RXFP1: variants seen among roughly 807,000 people sequenced by gnomAD.
The protein encoded by RXFP1 is relaxin family peptide receptor 1, also known as relaxin receptor 1.
RXFP1 carries 73 observed loss-of-function variants against 89.8 expected under a neutral mutation model. The ratio of observed to expected loss-of-function variants is 0.81; its 90% CI spans 0.67 to 0.99. The LOEUF (loss-of-function observed/expected upper bound fraction) is 0.99, where lower values mean the gene tolerates loss of function less well. Ranked by LOEUF, RXFP1 falls within the 50% of genes least tolerant of loss-of-function variation. RXFP1 has a pLI of 0.00. For missense variants in RXFP1, 793 were observed against 895.5 expected (o/e 0.89, Z 1.46); for synonymous variants, 277 against 305.5 (o/e 0.91, Z 0.97).
chr4:158,560,541 T>G (rs1752224241), intron 1 of RXFP1, among the ~76,000 whole-genome samples: 1 of 152,188 alleles, frequency 6.6e-6, no homozygotes, highest in African/African-American at 2.4e-5. Flanking sequence ...TTCACTTTCT[T>G]GCAACAAAAG....
At position 158,604,379 on chromosome 4, in the gene RXFP1, G is replaced by A. The variant is rs998116051; in HGVS notation, c.393-689G>A. ...TGTGTGATTCATGCAAGGATCCCCA[G>A]CTACACTGGTTTTGGTTTTTTTATT... is the stretch of plus-strand genomic sequence containing the variant. On this transcript the variant is annotated intron_variant, in intron 4 of 17. Transcript: ENST00000307765. Among the ~76,000 whole-genome samples the A allele has an allele frequency of 2.6e-5, 4 of 152,124 alleles. No individual in the cohort carries two copies. The South Asian group carries it at 8.3e-4, about 32-fold the overall frequency.
intron 12 of RXFP1, among the ~76,000 whole-genome samples, chr4:158,637,072 AT>A (rs1769319885): frequency 6.6e-6 from 1 of 151,970 alleles, no homozygotes; most frequent in Non-Finnish European, 1.5e-5. Context: ...AAATGACAGG[AT>A]TTTCTGTGTT....
chr4:158,555,882 G>A (rs1751168701), intron 1 of RXFP1, among the ~76,000 whole-genome samples: 1 of 152,106 alleles, frequency 6.6e-6, no homozygotes, highest in African/African-American at 2.4e-5. Flanking sequence ...TCCACATGTA[G>A]AAGAATGAGA....
chr4:158,580,279 G>C (rs1030595499), intron 2 of RXFP1, among the ~76,000 whole-genome samples: 3 of 152,104 alleles, frequency 2.0e-5, no homozygotes, highest in African/African-American at 7.2e-5. Context: ...GTCTGGATTG[G>C]TTAGTTTGCA....
intron 6 of RXFP1, among the ~76,000 whole-genome samples, chr4:158,610,030 C>T (rs1265190236): frequency 1.3e-5 from 2 of 152,084 alleles, no homozygotes; most frequent in African/African-American, 4.8e-5. Context: ...CTTTGGGAGG[C>T]TGAGGTGGAA....
intron 2 of RXFP1, among the ~76,000 whole-genome samples, chr4:158,580,289 A>G (rs1207286343): frequency 1.3e-5 from 2 of 152,182 alleles, no homozygotes; most frequent in South Asian, 2.1e-4. Flanking sequence ...GTTAGTTTGC[A>G]TATCAAAGGC....
intron 5 of RXFP1, among the ~76,000 whole-genome samples, chr4:158,606,331 C>T (rs1762527599): frequency 2.6e-5 from 4 of 152,160 alleles, no homozygotes. Context: ...TTGAACTAAC[C>T]ACCATACTAA....
intron 2 of RXFP1, among the ~76,000 whole-genome samples, chr4:158,581,749 G>A (rs1272378491): frequency 6.6e-6 from 1 of 152,176 alleles, no homozygotes; most frequent in Non-Finnish European, 1.5e-5. Context: ...TTTCATCCAA[G>A]TCATGGATGT....
rs1351261917 is a variant in RXFP1 at position 158,652,340 on chromosome 4, T to G, written c.*285T>G. 3.3e-6 allele frequency: 1 copy of G among 304,796 alleles called. No homozygotes were observed. Among genetic ancestry groups the G allele is most frequent in the Admixed American group, 4.7e-5 (1 of 21,212 alleles). The allele number at this position is 304,796 out of a possible 1,614,324, so 18.9% of individuals were successfully genotyped here. On this transcript the variant is annotated 3_prime_UTR_variant, in exon 18 of 18. Transcript: ENST00000307765. ...CATGCATTTATTGAGTACCCACTAC[T>G]ATGTGCATAGCATTGCAATATAGTC...
At chr4:158,527,564 A>AAAAAATATATATATATATATAT (rs5741905) in intron 1 of RXFP1, among the ~76,000 whole-genome samples, 103 of 98,296 alleles carry the variant, frequency 1.0e-3, no homozygotes, top group African/African-American at 3.5e-3. Flanking sequence ...AAAAAAAAAA[A>AAAAAATATATATATATATATAT]ATATATATAT....
At chr4:158,640,964 A>G (rs1213563598) in intron 14 of RXFP1, among the ~76,000 whole-genome samples, 2 of 152,210 alleles carry the variant, frequency 1.3e-5, no homozygotes, top group Non-Finnish European at 1.5e-5. Context: ...ATGCTTTAGA[A>G]GCACTTTTTT....
intron 3 of RXFP1, among the ~76,000 whole-genome samples, chr4:158,595,282 G>T (rs1760318946): frequency 6.6e-6 from 1 of 152,222 alleles, no homozygotes; most frequent in Non-Finnish European, 1.5e-5. Flanking sequence ...AAACAGTCAT[G>T]AATGAGCAAT....
chr4:158,608,627 A>G (rs1392480717), intron 6 of RXFP1, among the ~76,000 whole-genome samples: 1 of 152,220 alleles, frequency 6.6e-6, no homozygotes, highest in Non-Finnish European at 1.5e-5. Context: ...AATATACATA[A>G]GCTAAAATTC....
chr4:158,527,360 T>A (rs1373544678), intron 1 of RXFP1, among the ~76,000 whole-genome samples: 1 of 151,534 alleles, frequency 6.6e-6, no homozygotes, highest in Non-Finnish European at 1.5e-5. Context: ...CTGGCCAACA[T>A]GGCGAAACCC....
chr4:158,571,212 T>G (rs917263121), intron 1 of RXFP1, among the ~76,000 whole-genome samples: 1 of 152,184 alleles, frequency 6.6e-6, no homozygotes, highest in African/African-American at 2.4e-5. Flanking sequence ...GGAACTCTGT[T>G]TCATTCAATG....
intron 8 of RXFP1, among the ~76,000 whole-genome samples, chr4:158,616,896 G>A (rs893520167): frequency 2.0e-5 from 3 of 151,310 alleles, no homozygotes; most frequent in South Asian, 4.2e-4. Flanking sequence ...CTGCTCGGAG[G>A]GCCGAGGCAG....
In RXFP1 at chr4:158,599,428, C is replaced by A. The variant is rs1212852999; in HGVS notation, c.389C>A (p.Ala130Glu). ...AVPSVSSNVT[A>E]MSLQWNLIRK... Reference sequence around the variant, plus strand: ...CCATCGGTTTCTTCAAATGTGACTGCAATGTAAGTAGAAAAGAATTACTTC... The same window carrying A: ...CCATCGGTTTCTTCAAATGTGACTGAAATGTAAGTAGAAAAGAATTACTTC... Residue 130 changes from alanine (A) to glutamate (E), a missense_variant, in exon 4 of 18, where the codon GCA (alanine) becomes GAA (glutamate). Physicochemically the swap from Ala to Glu is moderately radical, Grantham distance 107. Transcript: ENST00000307765. 1.2e-6 allele frequency: 2 copies of A among 1,611,816 alleles called. No homozygotes were observed. Among genetic ancestry groups the A allele is most frequent in the Non-Finnish European group, 1.7e-6 (2 of 1,178,608 alleles).
At chr4:158,586,420 A>C (rs940253180) in intron 2 of RXFP1, among the ~76,000 whole-genome samples, 1 of 152,168 alleles carries the variant, frequency 6.6e-6, no homozygotes, top group South Asian at 2.1e-4. Context: ...ACCCATATAT[A>C]CTGGAAACCA....
intron 1 of RXFP1, among the ~76,000 whole-genome samples, chr4:158,551,151 TG>T: frequency 6.6e-6 from 1 of 152,318 alleles, no homozygotes; most frequent in Admixed American, 6.5e-5. Context: ...AAAGAAACTC[TG>T]GCATTTGTGA....
Sources: allele counts gnomAD v4.1 joint callset (sites outside exome capture counted in the v4.1 genomes callset), GRCh38; gene constraint gnomAD v4.1.1; transcripts MANE v1.5; gene names NCBI Gene and HGNC (gene_info 2026-07-23, HGNC 2026-07-21).